The following GLRX3 variants were observed in gnomAD, a reference collection of about 807,000 sequenced individuals.
GLRX3 encodes glutaredoxin 3.
A neutral mutation model predicts 49.5 loss-of-function variants in GLRX3; 22 were observed. That is an observed-to-expected ratio of 0.44 (90% confidence interval 0.32 to 0.63). The LOEUF (loss-of-function observed/expected upper bound fraction) is 0.63, where lower values mean the gene tolerates loss of function less well. Ranked by LOEUF, GLRX3 falls within the 30% of genes least tolerant of loss-of-function variation. The pLI is 0.05. For synonymous variants in GLRX3, 133 were observed against 140.0 expected, an observed-to-expected ratio of 0.95 and a Z score of 0.35; for missense variants, 385 against 396.3, an observed-to-expected ratio of 0.97 and a Z score of 0.24.
At chr10:130,166,381 A>G (rs764639417) in intron 4 of GLRX3, 126 bp from the exon 5 acceptor site, 12 of 637,938 alleles carry the variant, frequency 1.9e-5, no homozygotes, top group Non-Finnish European at 3.0e-5. Flanking sequence ...TGCTAATTAA[A>G]TCACCAGCAA....
chr10:130,157,756 G>A (rs1273196599), intron 2 of GLRX3, among the ~76,000 whole-genome samples: 1 of 152,056 alleles, frequency 6.6e-6, no homozygotes, highest in Non-Finnish European at 1.5e-5. Flanking sequence ...CTGTAGGCTA[G>A]GCTGTTTTAT....
intron 8 of GLRX3, among the ~76,000 whole-genome samples, chr10:130,172,480 G>A (rs1156925765): frequency 6.6e-6 from 1 of 152,114 alleles, no homozygotes; most frequent in Non-Finnish European, 1.5e-5. Flanking sequence ...GTTCTATAGG[G>A]TTTGTCAGAT....
chr10:130,174,819 C>T (rs766749664), intron 8 of GLRX3, 48 bp from the exon 9 acceptor site: 14 of 1,237,452 alleles, frequency 1.1e-5, no homozygotes, highest in Non-Finnish European at 1.2e-6. Context: ...AGGTTTTACA[C>T]TTTGATTTAA....
At chr10:130,179,742 A>G, downstream of GLRX3, 1 of 254,708 alleles carries the variant, frequency 3.9e-6, no homozygotes, top group Non-Finnish European at 7.4e-6. Flanking sequence ...CAGAAAATGG[A>G]GAACTGTGGC....
intron 1 of GLRX3, among the ~76,000 whole-genome samples, chr10:130,139,734 G>A (rs1862138840): frequency 6.6e-6 from 1 of 151,570 alleles, no homozygotes; most frequent in African/African-American, 2.4e-5. Context: ...GAGTTTGAGA[G>A]TAGCTTGAAC....
intron 2 of GLRX3, among the ~76,000 whole-genome samples, chr10:130,145,646 A>G (rs922409465): frequency 6.6e-6 from 1 of 152,104 alleles, no homozygotes; most frequent in African/African-American, 2.4e-5. Flanking sequence ...TGGGTGACAG[A>G]GCGAGACGCT....
intron 2 of GLRX3, among the ~76,000 whole-genome samples, chr10:130,151,007 A>G (rs1272576040): frequency 2.0e-5 from 3 of 150,808 alleles, no homozygotes; most frequent in Non-Finnish European, 4.4e-5. Flanking sequence ...AGCTCACTGC[A>G]ACCTCTGCCT....
chr10:130,144,968 G>C (rs552796779), intron 1 of GLRX3, among the ~76,000 whole-genome samples: 1 of 152,330 alleles, frequency 6.6e-6, no homozygotes, highest in Admixed American at 6.5e-5. Flanking sequence ...TGAATATTCA[G>C]ATCTACTTCA....
intron 10 of GLRX3, among the ~76,000 whole-genome samples, chr10:130,178,069 G>T (rs531176051): frequency 4.2e-4 from 64 of 152,252 alleles, no homozygotes; most frequent in Middle Eastern, 3.4e-3. Flanking sequence ...TTTCTGAATT[G>T]TTAGGTCTTT....
chr10:130,161,169 A>C (rs551397344), intron 4 of GLRX3, among the ~76,000 whole-genome samples, 172 bp downstream of exon 4: 17 of 152,316 alleles, frequency 1.1e-4, no homozygotes, highest in Non-Finnish European at 2.1e-4. Context: ...CTATATAAGA[A>C]TTAGTTTGCA....
At chr10:130,146,884 C>T (rs973306564) in intron 2 of GLRX3, among the ~76,000 whole-genome samples, 4 of 152,154 alleles carry the variant, frequency 2.6e-5, no homozygotes, top group African/African-American at 9.7e-5. Context: ...TTTCAGGAGG[C>T]TTCTGTATAA....
At chr10:130,163,741 C>G (rs969054387) in intron 4 of GLRX3, among the ~76,000 whole-genome samples, 3 of 152,228 alleles carry the variant, frequency 2.0e-5, no homozygotes, top group African/African-American at 7.2e-5. Flanking sequence ...CCTCGACCCT[C>G]TGCTGTTCCT....
chr10:130,168,722 C>T (rs1388587577), intron 6 of GLRX3, among the ~76,000 whole-genome samples: 3 of 152,190 alleles, frequency 2.0e-5, no homozygotes, highest in African/African-American at 7.2e-5. Context: ...GCTGGGATTA[C>T]AGGCGTGAGC....
intron 2 of GLRX3, among the ~76,000 whole-genome samples, chr10:130,150,863 A>G (rs1286962207): frequency 2.6e-5 from 4 of 151,942 alleles, no homozygotes; most frequent in Non-Finnish European, 5.9e-5. Flanking sequence ...TTAAGAGAGC[A>G]TATGTTGGAT....
At position 130,138,027 on chromosome 10, in the gene GLRX3, C is replaced by A. The variant is rs142269129; in HGVS notation, c.92+1515C>A. On this transcript the variant is annotated intron_variant, in intron 1 of 10. Coordinates refer to ENST00000331244, the MANE Select transcript of GLRX3 (RefSeq NM_006541.5). ...TTGGGATTACAGGTGTGAGCTACCA[C>A]GTCCGGCCAGAAATGCTTATTGATC... Among the ~76,000 whole-genome samples, 286 of 152,158 alleles carry A rather than the reference C, an allele frequency of 1.9e-3. 2 individuals are homozygous for A. The highest frequency in any genetic ancestry group is 6.4e-3 in the African/African-American group (266 of 41,500).
chr10:130,138,092 C>CT (rs1293649277), intron 1 of GLRX3, among the ~76,000 whole-genome samples: 1 of 152,046 alleles, frequency 6.6e-6, no homozygotes, highest in Non-Finnish European at 1.5e-5. Context: ...GGCTGTTGCT[C>CT]TGTTGCCCAG....
intron 2 of GLRX3, among the ~76,000 whole-genome samples, chr10:130,156,115 C>G (rs1862465942): frequency 6.6e-6 from 1 of 152,176 alleles, no homozygotes; most frequent in Non-Finnish European, 1.5e-5. Flanking sequence ...ATACCTTAGA[C>G]TGAGTAATTT....
intron 8 of GLRX3, among the ~76,000 whole-genome samples, chr10:130,172,401 A>C (rs958587381): frequency 2.0e-5 from 3 of 152,234 alleles, no homozygotes; most frequent in Non-Finnish European, 4.4e-5. Context: ...TGAAGCTGTC[A>C]GGTAAGAACA....
intron 1 of GLRX3, among the ~76,000 whole-genome samples, 199 bp downstream of exon 1, chr10:130,136,711 C>G (rs1434786121): frequency 1.3e-5 from 2 of 152,304 alleles, no homozygotes; most frequent in East Asian, 1.9e-4. Context: ...TTCCCCGCCC[C>G]GGAACAGCGA....
Sources: gnomAD v4.1 joint callset for allele counts (sites outside exome capture counted in the v4.1 genomes callset) on GRCh38, gnomAD v4.1.1 for gene constraint, MANE v1.5 for transcripts, NCBI Gene and HGNC (gene_info 2026-07-23, HGNC 2026-07-21) for gene names.